Variants in AHI1 observed in about 807,000 individuals in gnomAD.
AHI1 encodes the protein jouberin.
A neutral mutation model predicts 149.3 loss-of-function variants in AHI1; 123 were observed. The observed-to-expected ratio is 0.82, with a 90% CI of 0.71 to 0.96. AHI1 has a LOEUF of 0.96. Ranked by LOEUF, AHI1 falls within the 40% of genes least tolerant of loss-of-function variation. The pLI, the probability that AHI1 is intolerant of heterozygous loss-of-function variation, is 0.00. For missense variants in AHI1, 1,439 were observed against 1,422.7 expected, an observed-to-expected ratio of 1.01 and a Z score of -0.18; for synonymous variants, 475 against 459.8, an observed-to-expected ratio of 1.03 and a Z score of -0.42.
chr6:135,378,449 T>C (rs1776255064), intron 23 of AHI1, among the ~76,000 whole-genome samples: 1 of 152,220 alleles, frequency 6.6e-6, no homozygotes, highest in African/African-American at 2.4e-5. Context: ...ATTTCCTCAG[T>C]AAACTCTAAT....
intron 20 of AHI1, among the ~76,000 whole-genome samples, chr6:135,413,452 C>T (rs1406848696): frequency 6.6e-6 from 1 of 151,326 alleles, no homozygotes; most frequent in East Asian, 1.9e-4. Context: ...CTTGAAACTA[C>T]CAAAAAATGG....
intron 26 of AHI1, among the ~76,000 whole-genome samples, chr6:135,317,978 G>A (rs1786230183): frequency 2.6e-5 from 4 of 152,200 alleles, no homozygotes; most frequent in African/African-American, 7.2e-5. Flanking sequence ...AACAACAGAA[G>A]AATACTGATT....
chr6:135,345,922 A>G (rs1247739793), intron 24 of AHI1, among the ~76,000 whole-genome samples: 1 of 152,230 alleles, frequency 6.6e-6, no homozygotes, highest in Non-Finnish European at 1.5e-5. Flanking sequence ...AAATACACGT[A>G]AGGAGACCAT....
At chr6:135,442,771 G>A in intron 13 of AHI1, 57 bp from the exon 14 acceptor site, 1 of 1,475,602 alleles carries the variant, frequency 6.8e-7, no homozygotes, top group South Asian at 1.4e-5. Context: ...GCGAAGGCTA[G>A]TTTTTAATTT....
intron 10 of AHI1, 28 bp downstream of exon 10, chr6:135,455,706 A>T: frequency 6.9e-7 from 1 of 1,440,476 alleles, no homozygotes; most frequent in Non-Finnish European, 9.4e-7. Context: ...ACTATCGTTT[A>T]ATTTGAATTG....
intron 5 of AHI1, among the ~76,000 whole-genome samples, chr6:135,473,634 G>T (rs771462784): frequency 2.0e-5 from 3 of 152,112 alleles, no homozygotes; most frequent in Non-Finnish European, 4.4e-5. Flanking sequence ...TGATTCTTCT[G>T]ATCCATGAAC....
chr6:135,383,018 T>G (rs1017632775), intron 23 of AHI1, among the ~76,000 whole-genome samples: 1 of 142,920 alleles, frequency 7.0e-6, no homozygotes, highest in Non-Finnish European at 1.5e-5. Context: ...CAGAATATAA[T>G]GGCTGAAATG....
rs969367526 is a variant in AHI1, at chr6:135,302,797, A to G, written c.3427-2239T>C. ...GGGGGAAGAAGGAGGTGTCTCTGTGAGCTGTTTTGTTTTATTTTACCTTTA... is the reference window on the plus strand; with the variant it reads ...GGGGGAAGAAGGAGGTGTCTCTGTGGGCTGTTTTGTTTTATTTTACCTTTA... On this transcript the variant is annotated intron_variant, in intron 26 of 28. Coordinates refer to ENST00000265602, the MANE Select transcript of AHI1 (RefSeq NM_001134831.2). 9.3e-6 allele frequency: 12 copies of G among 1,288,946 alleles called. No homozygotes were observed. In the Middle Eastern group the frequency reaches 6.4e-4, roughly 68 times the overall value. The allele number at this position is 1,288,946 out of a possible 1,614,324, so 79.8% of individuals were successfully genotyped here.
chr6:135,301,068 T>A (rs1387421320), intron 26 of AHI1: 1 of 985,038 alleles, frequency 1.0e-6, no homozygotes, highest in Non-Finnish European at 1.2e-6. Flanking sequence ...AGAAAAACAA[T>A]AAGCACTTTC....
At chr6:135,289,635 T>G (rs1228154274) in intron 28 of AHI1, among the ~76,000 whole-genome samples, 1 of 152,096 alleles carries the variant, frequency 6.6e-6, no homozygotes, top group African/African-American at 2.4e-5. Flanking sequence ...TTTAAGAATC[T>G]GTTTTATAAT....
In AHI1 at chr6:135,421,916, CCTA is replaced by C. The variant is rs1049612853; in HGVS notation, c.2764+5248_2764+5250del. On this transcript the variant is annotated intron_variant, in intron 20 of 28. Coordinates refer to ENST00000265602, the MANE Select transcript of AHI1 (RefSeq NM_001134831.2). ...TAAAAATAAATATTTAAAATTCTGC[CCTA>C]CTATTAGGTATATTTTAATGACATA... Among the ~76,000 whole-genome samples, 61 of 151,852 alleles carry C rather than the reference CCTA, an allele frequency of 4.0e-4. 1 individual carries two copies. The highest frequency in any genetic ancestry group is 8.8e-5 in the Non-Finnish European group (6 of 67,974).
intron 14 of AHI1, among the ~76,000 whole-genome samples, chr6:135,441,883 T>C (rs1416065870): frequency 6.6e-6 from 1 of 152,072 alleles, no homozygotes; most frequent in Non-Finnish European, 1.5e-5. Context: ...TATGAGTCCC[T>C]GATTAAAAAA....
chr6:135,332,401 G>A (rs1358275555), intron 24 of AHI1, among the ~76,000 whole-genome samples: 2 of 152,170 alleles, frequency 1.3e-5, no homozygotes, highest in Non-Finnish European at 2.9e-5. Context: ...ATTCAGAGAA[G>A]ACTTTACTCT....
At chr6:135,289,332 T>C (rs190001867) in intron 28 of AHI1, among the ~76,000 whole-genome samples, 59 of 151,886 alleles carry the variant, frequency 3.9e-4, no homozygotes, top group Admixed American at 2.8e-3. Flanking sequence ...CCTGACTCTA[T>C]TAAAATACAA....
At chr6:135,486,295 T>C (rs947265658) in intron 5 of AHI1, among the ~76,000 whole-genome samples, 1 of 152,194 alleles carries the variant, frequency 6.6e-6, no homozygotes, top group Admixed American at 6.5e-5. Context: ...CCATGTATAC[T>C]GTGGATTTAA....
At chr6:135,383,464 T>G (rs1777159317) in intron 23 of AHI1, among the ~76,000 whole-genome samples, 1 of 75,080 alleles carries the variant, frequency 1.3e-5, no homozygotes. Context: ...CATGAACTCC[T>G]AGGCTCAAGT....
chr6:135,445,900 C>T lies in AHI1; in HGVS notation c.1779+1108G>A, dbSNP rs1583271706. ...TGAAACCCCATCTCTACTAAAAATA[C>T]AAAAAATTAGCCAGGCGTGGTGGCA... is the stretch of plus-strand genomic sequence containing the variant. On this transcript the variant is annotated intron_variant, in intron 13 of 28. Coordinates refer to ENST00000265602, the MANE Select transcript of AHI1 (RefSeq NM_001134831.2). 3.3e-5 allele frequency among the ~76,000 whole-genome samples: 5 copies of T among 151,960 alleles called. No individual in the cohort carries two copies. In the South Asian group the frequency reaches 1.0e-3, roughly 32 times the overall value.
intron 20 of AHI1, among the ~76,000 whole-genome samples, chr6:135,419,558 A>G (rs1032432734): frequency 6.6e-6 from 1 of 152,114 alleles, no homozygotes. Context: ...ACTATATTGT[A>G]GTCTATTAAG....
Position 135,284,598 on chromosome 6 carries a change from G to A in AHI1, c.*1047C>T, listed in dbSNP as rs1781505977. The A allele has an allele frequency of 6.6e-6, 1 of 151,124 alleles. No individual in the cohort carries two copies. Among genetic ancestry groups the A allele is most frequent in the Non-Finnish European group, 1.5e-5 (1 of 67,960 alleles). The allele number at this position is 151,124 out of a possible 1,614,324, so 9.4% of individuals were successfully genotyped here. On this transcript the variant is annotated 3_prime_UTR_variant, in exon 29 of 29. Transcript: ENST00000265602. Reference sequence around the variant, plus strand: ...CTGGAACTTAGAAAAAATAAATAATGCAATATAATAATGTAAAAATATTAA... The same window carrying A: ...CTGGAACTTAGAAAAAATAAATAATACAATATAATAATGTAAAAATATTAA...
Sources: gnomAD v4.1 joint callset for allele counts (sites outside exome capture counted in the v4.1 genomes callset) on GRCh38, gnomAD v4.1.1 for gene constraint, MANE v1.5 for transcripts, NCBI Gene and HGNC (gene_info 2026-07-23, HGNC 2026-07-21) for gene names.